Variants in GABRB1 observed in about 807,000 individuals in gnomAD.
GABRB1 encodes gamma-aminobutyric acid receptor subunit beta-1.
Under a neutral mutation model 51.6 loss-of-function variants are expected in GABRB1, and 17 were observed. The observed-to-expected ratio is 0.33, with a 90% CI of 0.23 to 0.49. The LOEUF is 0.49. Among genes scored for constraint, GABRB1 ranks in the 20% least tolerant of loss-of-function variants. The pLI is 0.99. For synonymous variants in GABRB1, 247 were observed against 218.9 expected, an observed-to-expected ratio of 1.13 and a Z score of -1.14; for missense variants, 410 against 600.6, an observed-to-expected ratio of 0.68 and a Z score of 3.32.
chr4:47,286,606 A>T (rs1288147899), intron 4 of GABRB1, among the ~76,000 whole-genome samples: 2 of 152,092 alleles, frequency 1.3e-5, no homozygotes, highest in Non-Finnish European at 2.9e-5. Context: ...AAAATAAAAA[A>T]CTGTATAAAA....
At chr4:47,277,674 A>T (rs1467782023) in intron 4 of GABRB1, among the ~76,000 whole-genome samples, 1 of 152,036 alleles carries the variant, frequency 6.6e-6, no homozygotes, top group Non-Finnish European at 1.5e-5. Flanking sequence ...TAAAAATTTT[A>T]AATATAAAAA....
chr4:47,101,009 C>T (rs1023101052), intron 3 of GABRB1, among the ~76,000 whole-genome samples: 3 of 151,820 alleles, frequency 2.0e-5, no homozygotes, highest in East Asian at 1.9e-4. Context: ...AAGTGAGGCT[C>T]GAAGGTTAGG....
intron 1 of GABRB1, among the ~76,000 whole-genome samples, chr4:47,010,908 T>C (rs1001462350): frequency 6.6e-6 from 1 of 152,196 alleles, no homozygotes; most frequent in Non-Finnish European, 1.5e-5. Flanking sequence ...ACTAACAAAG[T>C]GTTAGTTCTA....
At chr4:47,155,221 C>T (rs796668909) in intron 3 of GABRB1, among the ~76,000 whole-genome samples, 14 of 152,144 alleles carry the variant, frequency 9.2e-5, no homozygotes, top group African/African-American at 2.9e-4. Flanking sequence ...GGCAGTGATG[C>T]ACAGCTCTAC....
Position 47,426,173 on chromosome 4 carries a change from G to T in GABRB1, c.*155G>T. ...CATATCAGTTTTATTACTGCACCAT[G>T]TTTACTTCAAAAAGACAAAACAAAA... is the stretch of plus-strand genomic sequence containing the variant. On this transcript the variant is annotated 3_prime_UTR_variant, in exon 9 of 9. Transcript: ENST00000295454. 1 of 535,246 alleles carries T rather than the reference G, an allele frequency of 1.9e-6. No homozygotes were observed. The allele number at this position is 535,246 out of a possible 1,614,324, so 33.2% of individuals were successfully genotyped here.
intron 3 of GABRB1, among the ~76,000 whole-genome samples, chr4:47,148,060 C>T (rs1390784916): frequency 1.3e-5 from 2 of 152,010 alleles, no homozygotes; most frequent in Admixed American, 1.3e-4. Context: ...GAGAAGTCTA[C>T]TTAGGAGCTT....
intron 4 of GABRB1, among the ~76,000 whole-genome samples, chr4:47,223,136 T>A (rs1720825858): frequency 6.6e-6 from 1 of 152,084 alleles, no homozygotes; most frequent in Non-Finnish European, 1.5e-5. Context: ...ATCTTGAATG[T>A]TTTTTCTTCT....
chr4:47,001,212 G>C (rs552243971), intron 1 of GABRB1, among the ~76,000 whole-genome samples: 2 of 152,106 alleles, frequency 1.3e-5, no homozygotes, highest in East Asian at 3.9e-4. Flanking sequence ...GCGCGATCTG[G>C]GCTCACTGCA....
intron 5 of GABRB1, among the ~76,000 whole-genome samples, chr4:47,352,253 C>T (rs1560347050): frequency 6.6e-6 from 1 of 152,152 alleles, no homozygotes; most frequent in Non-Finnish European, 1.5e-5. Flanking sequence ...ATAACAGGAT[C>T]TGAAATTGTG....
At chr4:47,186,499 A>G (rs913142496) in intron 4 of GABRB1, among the ~76,000 whole-genome samples, 3 of 151,840 alleles carry the variant, frequency 2.0e-5, no homozygotes, top group Non-Finnish European at 4.4e-5. Flanking sequence ...CTAGTAATTC[A>G]GGGTATCTAA....
chr4:47,142,071 A>G (rs1441435385), intron 3 of GABRB1, among the ~76,000 whole-genome samples: 4 of 151,976 alleles, frequency 2.6e-5, no homozygotes, highest in Admixed American at 1.3e-4. Context: ...GAGGGAAGAT[A>G]TTAAAGAAAT....
chr4:47,306,864 A>G (rs1382044429), intron 4 of GABRB1, among the ~76,000 whole-genome samples: 1 of 152,122 alleles, frequency 6.6e-6, no homozygotes. Flanking sequence ...AGAGGTGTGT[A>G]TCCATTTAGC....
intron 4 of GABRB1, among the ~76,000 whole-genome samples, chr4:47,238,220 A>G (rs1721398142): frequency 1.3e-5 from 2 of 152,038 alleles, no homozygotes; most frequent in African/African-American, 4.8e-5. Context: ...AAAACATAAC[A>G]TATAAACATA....
chr4:47,251,695 G>T (rs534638870), intron 4 of GABRB1, among the ~76,000 whole-genome samples: 3 of 152,230 alleles, frequency 2.0e-5, no homozygotes, highest in Non-Finnish European at 2.9e-5. Context: ...CAACAGAAAG[G>T]CCAGGTCAAT....
At chr4:47,347,485 A>G (rs562617006) in intron 5 of GABRB1, among the ~76,000 whole-genome samples, 4 of 152,188 alleles carry the variant, frequency 2.6e-5, no homozygotes, top group Non-Finnish European at 5.9e-5. Context: ...GCAACGTAGC[A>G]TGAAGAATGC....
chr4:47,375,316 G>C (rs1727339872), intron 5 of GABRB1, among the ~76,000 whole-genome samples: 1 of 152,224 alleles, frequency 6.6e-6, no homozygotes, highest in Non-Finnish European at 1.5e-5. Flanking sequence ...AGCGAATCCA[G>C]TTACGAAGTT....
At chr4:47,062,444 CAT>C (rs67644869) in intron 3 of GABRB1, among the ~76,000 whole-genome samples, 16,010 of 148,038 alleles carry the variant, frequency 0.11, 1,307 homozygotes, top group East Asian at 0.28. Context: ...TATATATTTT[CAT>C]ATATATATAT....
At chr4:47,323,423 A>G (rs1341652149) in intron 5 of GABRB1, among the ~76,000 whole-genome samples, 1 of 152,210 alleles carries the variant, frequency 6.6e-6, no homozygotes, top group Non-Finnish European at 1.5e-5. Context: ...TAAGTACATA[A>G]TCAATATGTT....
chr4:47,313,216 G>A (rs900518949), intron 4 of GABRB1, among the ~76,000 whole-genome samples: 4 of 152,074 alleles, frequency 2.6e-5, no homozygotes, highest in Non-Finnish European at 4.4e-5. Flanking sequence ...GTCTACCTCT[G>A]GGAAATCTCT....
Sources: allele counts gnomAD v4.1 joint callset (sites outside exome capture counted in the v4.1 genomes callset), GRCh38; gene constraint gnomAD v4.1.1; transcripts MANE v1.5; gene names NCBI Gene and HGNC (gene_info 2026-07-23, HGNC 2026-07-21).